UNC5C: variants seen among roughly 807,000 people sequenced by gnomAD.
UNC5C encodes netrin receptor UNC5C.
Under a neutral mutation model 99.8 loss-of-function variants are expected in UNC5C, and 47 were observed. That is an observed-to-expected ratio of 0.47 (90% confidence interval 0.37 to 0.60). The LOEUF (loss-of-function observed/expected upper bound fraction) is 0.60. Among genes scored for constraint, UNC5C ranks in the 20% least tolerant of loss-of-function variants. UNC5C has a pLI of 0.00. For missense variants in UNC5C, 1,062 were observed against 1,165.9 expected (o/e 0.91, Z 1.30); for synonymous variants, 487 against 452.2 (o/e 1.08, Z -0.98).
At chr4:95,498,461 A>T (rs991179524) in intron 1 of UNC5C, among the ~76,000 whole-genome samples, 39 of 152,058 alleles carry the variant, frequency 2.6e-4, no homozygotes, top group African/African-American at 9.4e-4. Flanking sequence ...AAAAAAGGAA[A>T]ACATTCCATC....
At chr4:95,177,014 G>A (rs537888614) in intron 14 of UNC5C, among the ~76,000 whole-genome samples, 37 of 152,262 alleles carry the variant, frequency 2.4e-4, no homozygotes, top group East Asian at 1.7e-3. Context: ...TCCAGGTGCC[G>A]TCTGTCACCC....
chr4:95,256,695 AATAAAT>A (rs112409722), intron 4 of UNC5C, among the ~76,000 whole-genome samples: 6,404 of 110,920 alleles, frequency 0.058, 403 homozygotes, highest in South Asian at 0.12. Flanking sequence ...GACAGAACTA[AATAAAT>A]ATATATATAT....
rs189089819 is a variant in UNC5C, at chr4:95,227,649, C to G, written c.1109-7473G>C. Among the ~76,000 whole-genome samples, 400 of 152,282 alleles carry G rather than the reference C, an allele frequency of 2.6e-3. 3 individuals are homozygous for G. The highest frequency in any genetic ancestry group is 6.8e-4 in the Non-Finnish European group (46 of 68,030). ...TTACTTGAAGACCATCTCATAATTG[C>G]TCAAAACATTATCTCAGGAGATTGT... On this transcript the variant is annotated intron_variant, in intron 7 of 15. Transcript: ENST00000453304.
chr4:95,516,287 A>G (rs1002600389), intron 1 of UNC5C, among the ~76,000 whole-genome samples: 2 of 152,182 alleles, frequency 1.3e-5, no homozygotes, highest in African/African-American at 2.4e-5. Context: ...CTCACAGACA[A>G]TTCTTCAATG....
chr4:95,459,455 C>G (rs1747539003), intron 1 of UNC5C, among the ~76,000 whole-genome samples: 1 of 152,082 alleles, frequency 6.6e-6, no homozygotes, highest in East Asian at 1.9e-4. Context: ...GGCTCCAGAC[C>G]TGCCATTGTC....
chr4:95,247,558 T>G (rs1398468247), intron 5 of UNC5C, among the ~76,000 whole-genome samples: 2 of 152,144 alleles, frequency 1.3e-5, no homozygotes, highest in Non-Finnish European at 2.9e-5. Context: ...TCTTTGAAGA[T>G]CGTAGGTTTA....
intron 12 of UNC5C, among the ~76,000 whole-genome samples, chr4:95,191,277 G>A (rs1737077780): frequency 6.6e-6 from 1 of 152,096 alleles, no homozygotes; most frequent in South Asian, 2.1e-4. Flanking sequence ...TCCATGCTTG[G>A]GCAAATTTCC....
At chr4:95,250,453 A>G (rs1560753023) in intron 5 of UNC5C, 34 bp downstream of exon 5, 2 of 1,589,402 alleles carry the variant, frequency 1.3e-6, no homozygotes, top group Middle Eastern at 1.7e-4. Flanking sequence ...GCAGTTAAAC[A>G]TGAACTAGAT....
chr4:95,486,512 G>A (rs1484467676), intron 1 of UNC5C, among the ~76,000 whole-genome samples: 1 of 151,520 alleles, frequency 6.6e-6, no homozygotes, highest in African/African-American at 2.4e-5. Flanking sequence ...AGTATATGGT[G>A]TCCATATTTA....
At chr4:95,268,505 C>G (rs1579283160) in intron 4 of UNC5C, among the ~76,000 whole-genome samples, 1 of 152,148 alleles carries the variant, frequency 6.6e-6, no homozygotes, top group African/African-American at 2.4e-5. Context: ...TTTTGGCATC[C>G]TTTGCCCTTC....
In UNC5C at chr4:95,183,033, C is replaced by T. The variant is rs746707534; in HGVS notation, c.2315G>A (p.Gly772Glu). ...QEIPFYHVWS[G>E]SQRNLHCTFT... ...GGTGCAGTGCAGGTTTCTTTGAGAT[C>T]CACTCCAAACATGGTAAAATGGAAT... The change falls in exon 14 of 16, where the codon GGA (glycine) becomes GAA (glutamate). Residue 772 changes from glycine (G) to glutamate (E), a missense_variant. Gly to Glu is a moderately conservative substitution (Grantham distance 98). Transcript: ENST00000453304. 5 of 1,610,310 alleles carry T rather than the reference C, an allele frequency of 3.1e-6. No homozygotes were observed. Among genetic ancestry groups the T allele is most frequent in the Non-Finnish European group, 4.2e-6 (5 of 1,177,128 alleles).
At chr4:95,365,457 A>C (rs1744529782) in intron 1 of UNC5C, among the ~76,000 whole-genome samples, 1 of 148,916 alleles carries the variant, frequency 6.7e-6, no homozygotes, top group South Asian at 2.1e-4. Context: ...AACAATATAT[A>C]ATGTAAAAGA....
intron 12 of UNC5C, among the ~76,000 whole-genome samples, chr4:95,201,672 C>T (rs114800633): frequency 0.01 from 1,546 of 151,478 alleles, 32 homozygotes; most frequent in African/African-American, 0.035. Flanking sequence ...GAGGCGATTT[C>T]GGCTCACTGC....
intron 5 of UNC5C, 83 bp from the exon 6 acceptor site, chr4:95,245,227 G>A: frequency 1.5e-6 from 2 of 1,372,326 alleles, no homozygotes; most frequent in Non-Finnish European, 9.6e-7. Context: ...GACACAATAT[G>A]TAAACAAAGA....
intron 1 of UNC5C, among the ~76,000 whole-genome samples, chr4:95,426,757 A>G (rs529371419): frequency 1.3e-5 from 2 of 152,346 alleles, no homozygotes; most frequent in African/African-American, 4.8e-5. Flanking sequence ...AATCTAAAAT[A>G]AGACCCTAAC....
chr4:95,179,746 CA>C (rs33974336), intron 14 of UNC5C, among the ~76,000 whole-genome samples: 207 of 98,500 alleles, frequency 2.1e-3, no homozygotes, highest in African/African-American at 8.0e-3. Flanking sequence ...GACTCCTTCT[CA>C]AAAAAAAAAA....
intron 1 of UNC5C, among the ~76,000 whole-genome samples, chr4:95,472,883 G>T (rs1483659701): frequency 6.7e-6 from 1 of 150,350 alleles, no homozygotes; most frequent in African/African-American, 2.4e-5. Context: ...AGGATATTTG[G>T]CCCGTTCTAT....
chr4:95,470,153 A>G (rs907009391), intron 1 of UNC5C, among the ~76,000 whole-genome samples: 1 of 152,172 alleles, frequency 6.6e-6, no homozygotes, highest in Non-Finnish European at 1.5e-5. Flanking sequence ...AAAATAGACT[A>G]GTATGTATGT....
Position 95,163,710 on chromosome 4 carries a change from G to C in UNC5C, c.*5524C>G, listed in dbSNP as rs1262236300. ...GCTGGCATTCAGTAGCAAATACTAT[G>C]GCAGGTGGGCAGCTGACTATATCTC... On this transcript the variant is annotated 3_prime_UTR_variant, in exon 16 of 16. Transcript: ENST00000453304. The C allele has an allele frequency of 6.6e-6, 1 of 152,172 alleles. No homozygotes were observed. The highest frequency in any genetic ancestry group is 1.5e-5 in the Non-Finnish European group (1 of 68,040). The allele number at this position is 152,172 out of a possible 1,614,324, so 9.4% of individuals were successfully genotyped here.
Sources: gnomAD v4.1 joint callset for allele counts (sites outside exome capture counted in the v4.1 genomes callset) on GRCh38, gnomAD v4.1.1 for gene constraint, MANE v1.5 for transcripts, NCBI Gene and HGNC (gene_info 2026-07-23, HGNC 2026-07-21) for gene names.